PNPLA7: variants seen among roughly 807,000 people sequenced by gnomAD.
The protein encoded by PNPLA7 is patatin like domain 7, lysophospholipase, also known as patatin-like phospholipase domain-containing protein 7.
In PNPLA7, 153 loss-of-function variants were observed where a neutral mutation model predicts 161.7. The ratio of observed to expected loss-of-function variants is 0.95; its 90% confidence interval spans 0.83 to 1.08. The LOEUF (loss-of-function observed/expected upper bound fraction) is 1.08. PNPLA7 is among the 50% of genes least tolerant of loss of function. The probability of loss-of-function intolerance (pLI) is 0.00; values close to 1 mark genes in which losing one functional copy is unlikely to be tolerated. For synonymous variants in PNPLA7, 809 were observed against 782.1 expected, an observed-to-expected ratio of 1.03 and a Z score of -0.57; for missense variants, 1,739 against 1,856.6, an observed-to-expected ratio of 0.94 and a Z score of 1.16.
At position 137,467,684 on chromosome 9, in the gene PNPLA7, G is replaced by A. The variant is rs1245861095; in HGVS notation, c.2883-211C>T. The stretch of plus-strand genomic sequence containing the variant: ...AGGCCAAGGCGGGCAGATCACTTGA[G>A]GCCAGGAGTTCGAGACCAGCCTGGC... On this transcript the variant is annotated intron_variant, in intron 25 of 34. Transcript: ENST00000406427. The surrounding 1 kb of genome is among the most constrained non-coding windows in gnomAD (Gnocchi z 5.1). 6.6e-6 allele frequency among the ~76,000 whole-genome samples: 1 copy of A among 152,228 alleles called. No homozygotes were observed. The highest frequency in any genetic ancestry group is 2.4e-5 in the African/African-American group (1 of 41,452).
At chr9:137,539,741 A>G (rs550471281) in intron 8 of PNPLA7, among the ~76,000 whole-genome samples, 3 of 152,196 alleles carry the variant, frequency 2.0e-5, no homozygotes, top group Non-Finnish European at 4.4e-5. Flanking sequence ...CTCATAATAA[A>G]AAGTTAAAAA....
At chr9:137,491,317 G>A (rs997190466) in intron 20 of PNPLA7, among the ~76,000 whole-genome samples, 14 of 152,282 alleles carry the variant, frequency 9.2e-5, no homozygotes, top group South Asian at 4.1e-4. Flanking sequence ...AGTGGGGGGC[G>A]TGAGAACAGA....
rs147786539 is a variant in PNPLA7 at position 137,486,389 on chromosome 9, CAT to C, written c.2198-1655_2198-1654del. 5.3e-3 allele frequency among the ~76,000 whole-genome samples: 804 copies of C among 152,304 alleles called. 4 individuals carry two copies. Among genetic ancestry groups the C allele is most frequent in the African/African-American group, 0.018 (742 of 41,554 alleles). On this transcript the variant is annotated intron_variant, in intron 20 of 34. Coordinates refer to ENST00000406427, the MANE Select transcript of PNPLA7 (RefSeq NM_001098537.3). This position sits in a 1 kb window ranked among gnomAD's most constrained non-coding sequence, Gnocchi z 6.0. ...GGAGAACCAGCGCACAGCCGGCAAT[CAT>C]GTGCTCACAGGAAAATAGCTGATGA...
intron 29 of PNPLA7, 121 bp from the exon 30 acceptor site, chr9:137,462,954 C>A (rs893170276): frequency 7.4e-7 from 1 of 1,355,168 alleles, no homozygotes; most frequent in Non-Finnish European, 1.0e-6. Context: ...CGCCATTACA[C>A]CTTCTAGAGG....
rs139134955 is a variant in PNPLA7, at chr9:137,468,422, G to A, written c.2883-949C>T. ...AGACACAGGCTTTTACAATGACCACGCTTAAAGTGTGCAGGGAGCCAAAAG... is the reference window on the plus strand; with the variant it reads ...AGACACAGGCTTTTACAATGACCACACTTAAAGTGTGCAGGGAGCCAAAAG... On this transcript the variant is annotated intron_variant, in intron 25 of 34. Transcript: ENST00000406427. This position sits in a 1 kb window ranked among gnomAD's most constrained non-coding sequence, Gnocchi z 4.0. Among the ~76,000 whole-genome samples the A allele has an allele frequency of 5.2e-4, 79 of 152,286 alleles. 1 individual carries two copies. The highest frequency in any genetic ancestry group is 1.7e-3 in the African/African-American group (70 of 41,562).
At chr9:137,538,918 G>A (rs1836035437) in intron 8 of PNPLA7, among the ~76,000 whole-genome samples, 1 of 152,120 alleles carries the variant, frequency 6.6e-6, no homozygotes, top group Admixed American at 6.5e-5. Flanking sequence ...CAGGTGTGAT[G>A]GCACATTCCT....
At chr9:137,545,603 T>A (rs993616818) in intron 4 of PNPLA7, among the ~76,000 whole-genome samples, 14 of 152,322 alleles carry the variant, frequency 9.2e-5, no homozygotes, top group Middle Eastern at 3.4e-3. Flanking sequence ...TACATATAGA[T>A]CTTAGATATG....
rs190979050 is a variant in PNPLA7, at chr9:137,522,369, C to T, written c.876+360G>A. The stretch of plus-strand genomic sequence containing the variant: ...GGTTACAGGCGGGAGCCGCCGCGCC[C>T]GGCCAAGAGACGGGGTTTCACCGTG... On this transcript the variant is annotated intron_variant, in intron 9 of 34. Coordinates refer to ENST00000406427, the MANE Select transcript of PNPLA7 (RefSeq NM_001098537.3). 1.2e-4 allele frequency among the ~76,000 whole-genome samples: 18 copies of T among 144,168 alleles called. No individual in the cohort carries two copies. In the East Asian group the frequency reaches 1.4e-3, roughly 11 times the overall value. 94.6% of individuals were successfully genotyped at this position (144,168 alleles called of 152,430 possible).
In PNPLA7 at chr9:137,520,570, G is replaced by A. The variant is rs1430640729; in HGVS notation, c.958-527C>T. On this transcript the variant is annotated intron_variant, in intron 10 of 34. Transcript: ENST00000406427. The surrounding 1 kb of genome is among the most constrained non-coding windows in gnomAD (Gnocchi z 5.2). Reference sequence around the variant, plus strand: ...CATACTAAAGACTAATGCGTGCTGGGCCTTTACTAACCGAGCTCCACTTGC... The same window carrying A: ...CATACTAAAGACTAATGCGTGCTGGACCTTTACTAACCGAGCTCCACTTGC... Among the ~76,000 whole-genome samples, 1 of 152,172 alleles carries A rather than the reference G, an allele frequency of 6.6e-6. No individual in the cohort carries two copies. The highest frequency in any genetic ancestry group is 1.5e-5 in the Non-Finnish European group (1 of 68,036).
intron 12 of PNPLA7, among the ~76,000 whole-genome samples, chr9:137,512,456 G>A (rs1834289446): frequency 1.3e-5 from 2 of 152,256 alleles, no homozygotes; most frequent in African/African-American, 4.8e-5. Flanking sequence ...AGGCAGCCGT[G>A]GTGGGGAGCA....
At position 137,467,151 on chromosome 9, in the gene PNPLA7, T is replaced by C. The variant is rs1317394670; in HGVS notation, c.3039+166A>G. 1.3e-5 allele frequency among the ~76,000 whole-genome samples: 2 copies of C among 152,172 alleles called. No homozygotes were observed. Among genetic ancestry groups the C allele is most frequent in the Non-Finnish European group, 2.9e-5 (2 of 68,024 alleles). On this transcript the variant is annotated intron_variant, in intron 26 of 34. Coordinates refer to ENST00000406427, the MANE Select transcript of PNPLA7 (RefSeq NM_001098537.3). This position sits in a 1 kb window ranked among gnomAD's most constrained non-coding sequence, Gnocchi z 5.1. ...CCAACCTGCATCTGTGCCTTCTCTG[T>C]GGTGCTCCTTTGCCTCACAAGCTGC...
chr9:137,489,046 C>T (rs947005772), intron 20 of PNPLA7, among the ~76,000 whole-genome samples: 27 of 149,522 alleles, frequency 1.8e-4, no homozygotes, highest in African/African-American at 5.7e-4. Flanking sequence ...CACCCGCTGA[C>T]CAGCAGACAT....
At chr9:137,471,156 TTAAC>T (rs550744444) in intron 25 of PNPLA7, among the ~76,000 whole-genome samples, 160 of 152,306 alleles carry the variant, frequency 1.1e-3, no homozygotes, top group Non-Finnish European at 1.8e-3. Flanking sequence ...CTCAGAAAAT[TTAAC>T]TATGTGTCTA....
Position 137,460,756 on chromosome 9 carries a change from C to G in PNPLA7, c.3842-19G>C. 6.2e-7 allele frequency: 1 copy of G among 1,602,820 alleles called. No individual in the cohort carries two copies. Among genetic ancestry groups the G allele is most frequent in the South Asian group, 1.1e-5 (1 of 90,204 alleles). On this transcript the variant is annotated intron_variant, in intron 33 of 34. Coordinates refer to ENST00000406427, the MANE Select transcript of PNPLA7 (RefSeq NM_001098537.3). ...GATTCGTCTGGCACCGAGGGTAGGG[C>G]TGCGTCAGTCCCCTCCCAAGGAAGG... is the stretch of plus-strand genomic sequence containing the variant.
Position 137,537,929 on chromosome 9 carries a change from C to T in PNPLA7, c.747+2713G>A, listed in dbSNP as rs371191348. 1.2e-4 allele frequency among the ~76,000 whole-genome samples: 18 copies of T among 152,204 alleles called. No homozygotes were observed. Among genetic ancestry groups the T allele is most frequent in the African/African-American group, 4.3e-4 (18 of 41,436 alleles). Reference sequence around the variant, plus strand: ...CAAGGTAGGTCGCATACAGATGCCCCGTGCTGAACGGGTTTACGTCCACGT... The same window carrying T: ...CAAGGTAGGTCGCATACAGATGCCCTGTGCTGAACGGGTTTACGTCCACGT... On this transcript the variant is annotated intron_variant, in intron 8 of 34. Transcript: ENST00000406427. The surrounding 1 kb of genome is among the most constrained non-coding windows in gnomAD (Gnocchi z 4.5).
intron 8 of PNPLA7, among the ~76,000 whole-genome samples, chr9:137,530,875 C>T (rs957998466): frequency 1.3e-5 from 2 of 152,146 alleles, no homozygotes; most frequent in Admixed American, 6.5e-5. Flanking sequence ...GCCACATAAA[C>T]GAGAACCCAA....
Position 137,486,434 on chromosome 9 carries a change from A to G in PNPLA7, c.2198-1698T>C, listed in dbSNP as rs1832488916. On this transcript the variant is annotated intron_variant, in intron 20 of 34. Coordinates refer to ENST00000406427, the MANE Select transcript of PNPLA7 (RefSeq NM_001098537.3). This position sits in a 1 kb window ranked among gnomAD's most constrained non-coding sequence, Gnocchi z 6.0. ...GCTGATGACGTGCTGCTGAGCAGGA[A>G]AGCTGCAGAGTGGTTTATAAATGTG... 1.3e-5 allele frequency among the ~76,000 whole-genome samples: 2 copies of G among 152,190 alleles called. No homozygotes were observed. The highest frequency in any genetic ancestry group is 4.1e-4 in the South Asian group (2 of 4,828).
chr9:137,497,582 C>T (rs1057360727), intron 17 of PNPLA7, among the ~76,000 whole-genome samples: 2 of 152,254 alleles, frequency 1.3e-5, no homozygotes, highest in Non-Finnish European at 2.9e-5. Flanking sequence ...GGCTGAAGTG[C>T]AGTGGCACGA....
chr9:137,516,975 T>TGA, intron 11 of PNPLA7, among the ~76,000 whole-genome samples: 1 of 151,620 alleles, frequency 6.6e-6, no homozygotes, highest in East Asian at 1.9e-4. Context: ...GCTCACTCCA[T>TGA]CCTCACTCAC....
Sources: gnomAD v4.1 joint callset for allele counts (sites outside exome capture counted in the v4.1 genomes callset) on GRCh38, gnomAD v4.1.1 for gene constraint, Gnocchi (gnomAD v3.1) non-coding constraint, MANE v1.5 for transcripts, NCBI Gene and HGNC (gene_info 2026-07-23, HGNC 2026-07-21) for gene names.